Variants in AP2A1 observed in about 807,000 individuals in gnomAD.
The protein encoded by AP2A1 is AP-2 complex subunit alpha-1.
In AP2A1, 21 loss-of-function variants were observed where a neutral mutation model predicts 107.3. The observed-to-expected ratio is 0.20, with a 90% CI of 0.14 to 0.28. AP2A1 has a LOEUF of 0.28. Ranked by LOEUF, AP2A1 falls within the 10% of genes least tolerant of loss-of-function variation. AP2A1 has a pLI of 1.00. For synonymous variants in AP2A1, 602 were observed against 564.8 expected, an observed-to-expected ratio of 1.07 and a Z score of -0.93; for missense variants, 873 against 1,307.7, an observed-to-expected ratio of 0.67 and a Z score of 5.13.
chr19:49,794,567 T>G (rs748584531), intron 6 of AP2A1, among the ~76,000 whole-genome samples: 2 of 152,030 alleles, frequency 1.3e-5, no homozygotes, highest in Non-Finnish European at 2.9e-5. Flanking sequence ...GACAGTGAGG[T>G]AGGAACACAG....
chr19:49,767,895 G>T (rs1484206370), intron 1 of AP2A1, among the ~76,000 whole-genome samples: 1 of 151,914 alleles, frequency 6.6e-6, no homozygotes, highest in African/African-American at 2.4e-5. Context: ...TAGAGGGGCA[G>T]CTGAGGGGAA....
chr19:49,785,519 A>G lies in AP2A1; in HGVS notation c.473+2795A>G, dbSNP rs983288437. 6.6e-6 allele frequency among the ~76,000 whole-genome samples: 1 copy of G among 152,134 alleles called. No individual in the cohort carries two copies. The highest frequency in any genetic ancestry group is 2.4e-5 in the African/African-American group (1 of 41,428). On this transcript the variant is annotated intron_variant, in intron 4 of 22. Coordinates refer to ENST00000354293, the MANE Select transcript of AP2A1 (RefSeq NM_130787.3). This position sits in a 1 kb window ranked among gnomAD's most constrained non-coding sequence, Gnocchi z 4.1. ...TGGTCATGCTGAATTTGAGATGTGT[A>G]TTAGACATCTGAGTAGGACTCTGGG...
In AP2A1 at chr19:49,788,540, T is replaced by C. The variant is rs2073102009; in HGVS notation, c.474-3395T>C. On this transcript the variant is annotated intron_variant, in intron 4 of 22. Coordinates refer to ENST00000354293, the MANE Select transcript of AP2A1 (RefSeq NM_130787.3). This position sits in a 1 kb window ranked among gnomAD's most constrained non-coding sequence, Gnocchi z 4.5. ...GTGTGCCGTGGCAGCGATGGGAAAG[T>C]GGCCCAGAGTCAGGGCTCGGGAGAT... Among the ~76,000 whole-genome samples, 1 of 151,600 alleles carries C rather than the reference T, an allele frequency of 6.6e-6. No individual in the cohort carries two copies. Among genetic ancestry groups the C allele is most frequent in the Non-Finnish European group, 1.5e-5 (1 of 67,888 alleles).
At chr19:49,799,232 T>C (rs2073246923) in intron 8 of AP2A1, 95 bp from the exon 9 acceptor site, 1 of 1,416,936 alleles carries the variant, frequency 7.1e-7, no homozygotes, top group Non-Finnish European at 9.5e-7. Flanking sequence ...ACCTGGATCC[T>C]TGGGGGCTGT....
In AP2A1 at chr19:49,803,182, G is replaced by A; in HGVS notation, c.2247G>A (p.Gln749=). The change falls in exon 17 of 23, where the codon CAG becomes CAA. Residue 749 remains glutamine (Q), a synonymous_variant. Coordinates refer to ENST00000354293, the MANE Select transcript of AP2A1 (RefSeq NM_130787.3). The part of the protein sequence containing the change: ...LQIGVKSEFR[Q]NLGRMYLFYG... Reference sequence around the variant, plus strand: ...TCGGAGTCAAGTCAGAGTTCCGACAGAACCTGGGTGTGTCCCGGGGGACTG... The same window carrying A: ...TCGGAGTCAAGTCAGAGTTCCGACAAAACCTGGGTGTGTCCCGGGGGACTG... 1 of 1,614,032 alleles carries A rather than the reference G, an allele frequency of 6.2e-7. No homozygotes were observed. Among genetic ancestry groups the A allele is most frequent in the Non-Finnish European group, 8.5e-7 (1 of 1,179,894 alleles).
intron 7 of AP2A1, chr19:49,796,422 G>C (rs1417445656): frequency 6.6e-6 from 1 of 152,398 alleles, no homozygotes; most frequent in Non-Finnish European, 1.5e-5. Flanking sequence ...TTGGCTGACT[G>C]ACCTCATGGA....
At chr19:49,784,667 C>T (rs537085808) in intron 4 of AP2A1, among the ~76,000 whole-genome samples, 33 of 152,064 alleles carry the variant, frequency 2.2e-4, no homozygotes, top group South Asian at 1.5e-3. Context: ...CACTTGAGGC[C>T]GGAAGTTCAA....
intron 7 of AP2A1, among the ~76,000 whole-genome samples, chr19:49,797,735 T>A (rs975909212): frequency 1.3e-5 from 2 of 151,124 alleles, no homozygotes; most frequent in Admixed American, 6.6e-5. Context: ...CAAAAAAAAA[T>A]AAAAAAATAA....
chr19:49,792,781 C>T (rs1364435191), intron 5 of AP2A1, among the ~76,000 whole-genome samples: 3 of 152,172 alleles, frequency 2.0e-5, no homozygotes, highest in African/African-American at 7.2e-5. Flanking sequence ...CAGGGACACC[C>T]CACACACCCA....
At position 49,801,873 on chromosome 19, in the gene AP2A1, C is replaced by A. The variant is rs911166352; in HGVS notation, c.1937C>A (p.Pro646His). The change falls in exon 14 of 23, where the codon CCC becomes CAC. Residue 646 changes from proline (P) to histidine (H), a missense_variant. Pro to His is a moderately conservative substitution (Grantham distance 77, BLOSUM62 -2). Transcript: ENST00000354293. ...SSNDINGGME[P>H]TPSTVSTPSP... ...AACGACATCAACGGGGGCATGGAGC[C>A]CACCCCCAGCACTGTGGTGAGTCCC... 1.3e-5 allele frequency: 20 copies of A among 1,495,630 alleles called. No individual in the cohort carries two copies. The highest frequency in any genetic ancestry group is 2.4e-5 in the East Asian group (1 of 42,482). 92.6% of individuals were successfully genotyped at this position (1,495,630 alleles called of 1,614,324 possible). A position where few individuals can be genotyped will look rare whatever the true frequency, so the allele number is the denominator to read the frequency against.
Position 49,807,004 on chromosome 19 carries a change from G to A in AP2A1, c.*246G>A. 1 of 1,524,492 alleles carries A rather than the reference G, an allele frequency of 6.6e-7. No individual in the cohort carries two copies. Among genetic ancestry groups the A allele is most frequent in the East Asian group, 2.5e-5 (1 of 40,366 alleles). 94.4% of individuals were successfully genotyped at this position (1,524,492 alleles called of 1,614,324 possible). A position where few individuals can be genotyped will look rare whatever the true frequency, so the allele number is the denominator to read the frequency against. On this transcript the variant is annotated 3_prime_UTR_variant, in exon 23 of 23. Transcript: ENST00000354293. ...CAAGCACAGAGGGGAGAGGGGCCAG[G>A]GAAGTGGATGTCTCCTCCCCTCCCA...
intron 5 of AP2A1, 133 bp downstream of exon 5, chr19:49,792,197 C>T: frequency 1.0e-6 from 1 of 953,624 alleles, no homozygotes; most frequent in Non-Finnish European, 1.5e-6. Flanking sequence ...GCCCACGCAC[C>T]CCCTGGATGC....
intron 4 of AP2A1, among the ~76,000 whole-genome samples, chr19:49,786,979 G>A (rs1600226525): frequency 6.6e-6 from 1 of 152,250 alleles, no homozygotes; most frequent in East Asian, 1.9e-4. Context: ...GGGCACGAAG[G>A]AACTTTATTT....
intron 1 of AP2A1, among the ~76,000 whole-genome samples, chr19:49,781,255 G>C (rs1296015809): frequency 2.0e-5 from 3 of 152,128 alleles, no homozygotes; most frequent in Non-Finnish European, 4.4e-5. Context: ...CATGGCTGTG[G>C]GGACAAAGGG....
chr19:49,777,922 C>A (rs892415049), intron 1 of AP2A1, among the ~76,000 whole-genome samples: 2 of 151,166 alleles, frequency 1.3e-5, no homozygotes, highest in African/African-American at 4.9e-5. Flanking sequence ...AGTGAGACCC[C>A]GTCTCAAGAA....
intron 1 of AP2A1, among the ~76,000 whole-genome samples, chr19:49,771,643 G>T (rs780950806): frequency 6.6e-6 from 1 of 151,954 alleles, no homozygotes; most frequent in East Asian, 1.9e-4. Flanking sequence ...TCCTGATCTC[G>T]AGTGATCTGC....
In AP2A1 at chr19:49,767,018, G is replaced by C. The variant is rs1445673608; in HGVS notation, c.-116G>C. The C allele has an allele frequency of 3.7e-5, 19 of 516,102 alleles. No individual in the cohort carries two copies. The highest frequency in any genetic ancestry group is 7.8e-4 in the Middle Eastern group (1 of 1,282). 32.0% of individuals were successfully genotyped at this position (516,102 alleles called of 1,614,324 possible). A position where few individuals can be genotyped will look rare whatever the true frequency, so the allele number is the denominator to read the frequency against. ...GCCCGCCCGCCAGCCAGCCCTCCCC[G>C]CGGCCGGCTCGGCTCCTTGGCGCTG... On this transcript the variant is annotated 5_prime_UTR_variant, in exon 1 of 23. Coordinates refer to ENST00000354293, the MANE Select transcript of AP2A1 (RefSeq NM_130787.3).
At chr19:49,786,688 G>A (rs1362428495) in intron 4 of AP2A1, among the ~76,000 whole-genome samples, 1 of 152,202 alleles carries the variant, frequency 6.6e-6, no homozygotes, top group Non-Finnish European at 1.5e-5. Flanking sequence ...GGAGGGAGTG[G>A]CCAGTCGCAA....
chr19:49,785,745 C>T lies in AP2A1; in HGVS notation c.473+3021C>T, dbSNP rs138320679. 1.7e-3 allele frequency among the ~76,000 whole-genome samples: 252 copies of T among 152,122 alleles called. 2 individuals are homozygous for T. The highest frequency in any genetic ancestry group is 6.0e-3 in the African/African-American group (249 of 41,488). Reference sequence around the variant, plus strand: ...CAGCTTGGCCAACGTGGTGAAGCCCCGTCTCTACTAAAAATACAAAAATTA... The same window carrying T: ...CAGCTTGGCCAACGTGGTGAAGCCCTGTCTCTACTAAAAATACAAAAATTA... On this transcript the variant is annotated intron_variant, in intron 4 of 22. Coordinates refer to ENST00000354293, the MANE Select transcript of AP2A1 (RefSeq NM_130787.3). The surrounding 1 kb of genome is among the most constrained non-coding windows in gnomAD (Gnocchi z 4.1).
Sources: gnomAD v4.1 joint callset for allele counts (sites outside exome capture counted in the v4.1 genomes callset) on GRCh38, gnomAD v4.1.1 for gene constraint, Gnocchi (gnomAD v3.1) non-coding constraint, MANE v1.5 for transcripts, NCBI Gene and HGNC (gene_info 2026-07-23, HGNC 2026-07-21) for gene names.